QNG1: variants seen among roughly 807,000 people sequenced by gnomAD.
QNG1 encodes the protein Q-nucleotide N-glycosylase 1, also known as queuosine 5'-phosphate N-glycosylase/hydrolase.
the QNG1 span, among the ~76,000 whole-genome samples, chr9:83,947,658 C>T: frequency 4.1e-4 from 62 of 152,190 alleles, no homozygotes; most frequent in South Asian, 1.2e-3. Context: ...GGATTGCAGG[C>T]GCTCGCCGCC....
At chr9:83,955,109 G>A in the QNG1 span, among the ~76,000 whole-genome samples, 2 of 151,858 alleles carry the variant, frequency 1.3e-5, no homozygotes. Context: ...TGAGGCAGGA[G>A]AATCGCTTGA....
At chr9:83,953,096 C>T in the QNG1 span, among the ~76,000 whole-genome samples, 2 of 151,618 alleles carry the variant, frequency 1.3e-5, no homozygotes, top group African/African-American at 4.8e-5. Flanking sequence ...TGGTGAAACC[C>T]TGTTTCTACT....
At chr9:83,950,876 C>T in the QNG1 span, among the ~76,000 whole-genome samples, 2 of 151,952 alleles carry the variant, frequency 1.3e-5, no homozygotes, top group African/African-American at 4.8e-5. Flanking sequence ...TCTAGGATTA[C>T]AGGAAAGAGC....
chr9:83,941,087 T>C, the QNG1 span, among the ~76,000 whole-genome samples: 1 of 152,192 alleles, frequency 6.6e-6, no homozygotes, highest in Non-Finnish European at 1.5e-5. Flanking sequence ...CGAGTAGAGC[T>C]ATCAGGTAAG....
At chr9:83,951,513 A>G in the QNG1 span, among the ~76,000 whole-genome samples, 3 of 152,240 alleles carry the variant, frequency 2.0e-5, no homozygotes, top group East Asian at 1.9e-4. Flanking sequence ...GTGAGCCGAG[A>G]TTGCGCCATT....
the QNG1 span, chr9:83,955,431 G>C: frequency 6.2e-7 from 1 of 1,614,038 alleles, no homozygotes; most frequent in Non-Finnish European, 8.5e-7. Context: ...ACCACCAGGT[G>C]CATTAACTTC....
the QNG1 span, chr9:83,939,057 TTTGTTG>T: frequency 0.2 from 33,981 of 171,536 alleles, 4,155 homozygotes; most frequent in Middle Eastern, 0.29. Context: ...CCTAGGAAGT[TTTGTTG>T]TTGTTGTTGT....
chr9:83,955,673 T>A, the QNG1 span: 6 of 1,599,600 alleles, frequency 3.8e-6, no homozygotes, highest in East Asian at 1.1e-4. Context: ...AGAGGACCAA[T>A]GTCATACTTC....
the QNG1 span, chr9:83,939,113 G>C: frequency 5.7e-6 from 1 of 174,636 alleles, no homozygotes; most frequent in Non-Finnish European, 1.2e-5. Context: ...CACTCTTGTT[G>C]CTGAGGCTGG....
the QNG1 span, among the ~76,000 whole-genome samples, chr9:83,945,742 C>T: frequency 2.0e-5 from 3 of 151,814 alleles, no homozygotes; most frequent in South Asian, 2.1e-4. Context: ...GCTGGGACTA[C>T]GGGCGCCGTC....
At chr9:83,955,586 C>T in the QNG1 span, 2 of 1,614,148 alleles carry the variant, frequency 1.2e-6, no homozygotes, top group Non-Finnish European at 1.7e-6. Flanking sequence ...AAGTATATTC[C>T]GAACCTGATC....
chr9:83,939,819 A>T, the QNG1 span: 5 of 951,288 alleles, frequency 5.3e-6, no homozygotes, highest in African/African-American at 4.9e-5. Flanking sequence ...TGTAGAACAA[A>T]ACAGAGTATT....
chr9:83,956,138 G>A, the QNG1 span: 1 of 1,603,274 alleles, frequency 6.2e-7, no homozygotes, highest in Non-Finnish European at 8.5e-7. Flanking sequence ...AAGGCCGTTA[G>A]GTCCGATGGC....
the QNG1 span, among the ~76,000 whole-genome samples, chr9:83,945,891 C>T: frequency 1.6e-4 from 24 of 152,116 alleles, no homozygotes; most frequent in African/African-American, 5.3e-4. Flanking sequence ...TGTAAGCCAC[C>T]GTGCCTGGCC....
At chr9:83,956,372 C>A in the QNG1 span, 1 of 1,606,954 alleles carries the variant, frequency 6.2e-7, no homozygotes, top group Non-Finnish European at 8.5e-7. Context: ...CCACGCGCAG[C>A]TCTGGCCCCG....
At chr9:83,953,990 G>T in the QNG1 span, 1 of 574,872 alleles carries the variant, frequency 1.7e-6, no homozygotes, top group Non-Finnish European at 3.1e-6. Flanking sequence ...CACCTCTCGG[G>T]TTCAAGCGAT....
the QNG1 span, chr9:83,955,266 C>T: frequency 9.5e-6 from 10 of 1,050,682 alleles, no homozygotes; most frequent in East Asian, 2.3e-4. Context: ...TTAGTTTCTT[C>T]CACAAGGAAT....
chr9:83,955,551 G>T, the QNG1 span: 5 of 1,614,166 alleles, frequency 3.1e-6, no homozygotes, highest in East Asian at 2.2e-5. Context: ...TCTACTAAAG[G>T]CATGGAAACG....
chr9:83,948,723 G>A, the QNG1 span, among the ~76,000 whole-genome samples: 3 of 152,238 alleles, frequency 2.0e-5, no homozygotes, highest in African/African-American at 4.8e-5. Flanking sequence ...AGTAGACATA[G>A]GAGACTCCAT....
Sources: gnomAD v4.1 joint callset for allele counts (sites outside exome capture counted in the v4.1 genomes callset) on GRCh38, gnomAD v4.1.1 for gene constraint, MANE v1.5 for transcripts, NCBI Gene and HGNC (gene_info 2026-07-23, HGNC 2026-07-21) for gene names.